Variants in CLNK observed in about 807,000 individuals in gnomAD.
CLNK encodes cytokine dependent hematopoietic cell linker, also known as cytokine-dependent hematopoietic cell linker.
CLNK carries 74 observed loss-of-function variants against 68.6 expected under a neutral mutation model. The ratio of observed to expected loss-of-function variants is 1.08; its 90% CI spans 0.89 to 1.31. CLNK has a LOEUF of 1.31. Among genes scored for constraint, CLNK ranks in the 50% most tolerant of loss-of-function variants. The pLI is 0.00. For synonymous variants in CLNK, 198 were observed against 172.2 expected (o/e 1.15, Z -1.17); for missense variants, 553 against 515.3 (o/e 1.07, Z -0.71).
intron 11 of CLNK, among the ~76,000 whole-genome samples, chr4:10,540,019 T>G (rs570509587): frequency 6.6e-6 from 1 of 152,366 alleles, no homozygotes; most frequent in African/African-American, 2.4e-5. Context: ...TATTTTCTTC[T>G]AGGTATAACT....
chr4:10,624,553 A>G (rs1002377853), intron 2 of CLNK, among the ~76,000 whole-genome samples: 1 of 148,182 alleles, frequency 6.7e-6, no homozygotes, highest in Admixed American at 6.7e-5. Context: ...TAGCCTCCCA[A>G]CGTGCTGGGA....
chr4:10,727,444 G>GA, the CLNK span, among the ~76,000 whole-genome samples: 1 of 152,204 alleles, frequency 6.6e-6, no homozygotes, highest in Non-Finnish European at 1.5e-5. Flanking sequence ...GTTAATGGTG[G>GA]AATTGGAGGG....
intron 1 of CLNK, among the ~76,000 whole-genome samples, chr4:10,672,858 G>C (rs1443352920): frequency 1.3e-5 from 2 of 152,096 alleles, no homozygotes. Context: ...TGAACACACC[G>C]ATTTTTCTCA....
intron 2 of CLNK, among the ~76,000 whole-genome samples, chr4:10,622,625 T>C (rs1250991426): frequency 6.6e-6 from 1 of 152,230 alleles, no homozygotes; most frequent in Non-Finnish European, 1.5e-5. Flanking sequence ...AAACTTGTCA[T>C]GGTTTGGTGG....
intron 13 of CLNK, among the ~76,000 whole-genome samples, 180 bp from the exon 14 acceptor site, chr4:10,526,102 A>ATGAC (rs1372386123): frequency 6.6e-6 from 1 of 152,186 alleles, no homozygotes; most frequent in African/African-American, 2.4e-5. Flanking sequence ...GCTCCTCAGA[A>ATGAC]TGACTTTTGC....
chr4:10,494,520 C>T (rs924511552), intron 18 of CLNK, among the ~76,000 whole-genome samples: 1 of 150,634 alleles, frequency 6.6e-6, no homozygotes, highest in Non-Finnish European at 1.5e-5. Context: ...TGCAGTGGCA[C>T]AATCTTGGCT....
intron 17 of CLNK, among the ~76,000 whole-genome samples, chr4:10,506,892 CGGG>C (rs1472696032): frequency 6.6e-6 from 1 of 151,874 alleles, no homozygotes; most frequent in Non-Finnish European, 1.5e-5. Flanking sequence ...CTCTGCCTCC[CGGG>C]TTCACGCCAT....
At chr4:10,545,982 C>G (rs553439437) in intron 8 of CLNK, among the ~76,000 whole-genome samples, 1 of 152,284 alleles carries the variant, frequency 6.6e-6, no homozygotes, top group South Asian at 2.1e-4. Flanking sequence ...AGCTGGTAGA[C>G]AGCGCCCCAG....
intron 2 of CLNK, among the ~76,000 whole-genome samples, chr4:10,658,765 C>A (rs1370685978): frequency 6.6e-6 from 1 of 152,192 alleles, no homozygotes; most frequent in Non-Finnish European, 1.5e-5. Context: ...TTCTGTCACA[C>A]TCTGTTGGTC....
chr4:10,601,311 G>C (rs912010916), intron 2 of CLNK, among the ~76,000 whole-genome samples: 6 of 152,170 alleles, frequency 3.9e-5, no homozygotes, highest in Admixed American at 6.5e-5. Flanking sequence ...AAGCAGGTGG[G>C]GAGAATGGAG....
intron 2 of CLNK, among the ~76,000 whole-genome samples, chr4:10,652,782 T>C (rs561950491): frequency 3.3e-5 from 5 of 152,238 alleles, no homozygotes; most frequent in Non-Finnish European, 7.3e-5. Context: ...TGTTGATATT[T>C]CTATAACACT....
intron 11 of CLNK, among the ~76,000 whole-genome samples, chr4:10,535,833 A>T (rs1353960767): frequency 7.2e-5 from 11 of 152,196 alleles, no homozygotes. Context: ...AATTTATTTA[A>T]GTTGAAAAAA....
chr4:10,721,970 AG>A, the CLNK span, among the ~76,000 whole-genome samples: 2 of 152,176 alleles, frequency 1.3e-5, no homozygotes, highest in South Asian at 4.1e-4. Flanking sequence ...TGAGGTCAGG[AG>A]TTTGAGACCA....
intron 13 of CLNK, among the ~76,000 whole-genome samples, chr4:10,527,129 CT>C (rs1560202029): frequency 6.6e-6 from 1 of 152,236 alleles, no homozygotes; most frequent in African/African-American, 2.4e-5. Context: ...ATCTGCCCCT[CT>C]TGAGCTGAAC....
chr4:10,600,591 C>G (rs1339548265), intron 2 of CLNK, among the ~76,000 whole-genome samples: 1 of 152,174 alleles, frequency 6.6e-6, no homozygotes, highest in Non-Finnish European at 1.5e-5. Flanking sequence ...TAGATTGTAG[C>G]CTGGGCATCT....
intron 5 of CLNK, among the ~76,000 whole-genome samples, chr4:10,569,344 C>G (rs1720251280): frequency 6.6e-6 from 1 of 152,002 alleles, no homozygotes; most frequent in Non-Finnish European, 1.5e-5. Context: ...TTCTCTCTCT[C>G]TCTTTCTCTG....
At chr4:10,491,253 A>G (rs569953804) in intron 18 of CLNK, among the ~76,000 whole-genome samples, 2 of 152,306 alleles carry the variant, frequency 1.3e-5, no homozygotes, top group African/African-American at 2.4e-5. Flanking sequence ...TGTTATCACA[A>G]CCTTTCTATC....
chr4:10,513,747 A>G, intron 15 of CLNK, 150 bp from the exon 16 acceptor site: 1 of 635,252 alleles, frequency 1.6e-6, no homozygotes, highest in Non-Finnish European at 2.4e-6. Flanking sequence ...AGTGACCTTA[A>G]TTCTCTCTGT....
At chr4:10,718,751 G>A in the CLNK span, among the ~76,000 whole-genome samples, 49,020 of 151,798 alleles carry the variant, frequency 0.32, 8,312 homozygotes, top group African/African-American at 0.41. Flanking sequence ...GCTAAAATAT[G>A]GATAAACAAA....
Sources: allele counts gnomAD v4.1 joint callset (sites outside exome capture counted in the v4.1 genomes callset), GRCh38; gene constraint gnomAD v4.1.1; transcripts MANE v1.5; gene names NCBI Gene and HGNC (gene_info 2026-07-23, HGNC 2026-07-21).